The following LIG1 variants were observed in gnomAD, a reference collection of about 807,000 sequenced individuals.
LIG1 encodes the protein DNA ligase 1.
Under a neutral mutation model 115.7 loss-of-function variants are expected in LIG1, and 70 were observed. The observed-to-expected ratio is 0.60, with a 90% CI of 0.50 to 0.74. The LOEUF (loss-of-function observed/expected upper bound fraction) is 0.74, where lower values mean the gene tolerates loss of function less well. Ranked by LOEUF, LIG1 falls within the 30% of genes least tolerant of loss-of-function variation. The pLI, the probability that LIG1 is intolerant of heterozygous loss-of-function variation, is 0.00. For missense variants in LIG1, 1,115 were observed against 1,225.6 expected (o/e 0.91, Z 1.35); for synonymous variants, 487 against 495.3 (o/e 0.98, Z 0.22).
intron 11 of LIG1, among the ~76,000 whole-genome samples, chr19:48,140,903 G>C (rs1367051261): frequency 2.0e-5 from 3 of 152,172 alleles, no homozygotes; most frequent in African/African-American, 4.8e-5. Flanking sequence ...GAGTAAAAAT[G>C]AAACTCCGGT....
At chr19:48,143,519 A>G (rs747872934) in intron 11 of LIG1, 24 bp downstream of exon 11, 2 of 564,814 alleles carry the variant, frequency 3.5e-6, no homozygotes, top group Non-Finnish European at 6.6e-6. Flanking sequence ...CCCGCCCCCC[A>G]CCCAGGCAGT....
At chr19:48,149,726 T>A in intron 9 of LIG1, 37 bp downstream of exon 9, 1 of 1,556,578 alleles carries the variant, frequency 6.4e-7, no homozygotes, top group Non-Finnish European at 8.9e-7. Context: ...AGGGAACACA[T>A]CCCGAAGAAC....
chr19:48,139,433 CT>C (rs1382968938), intron 12 of LIG1, among the ~76,000 whole-genome samples: 3 of 152,306 alleles, frequency 2.0e-5, no homozygotes, highest in South Asian at 2.1e-4. Flanking sequence ...CCTCTTCCCC[CT>C]GGATGCTGCC....
intron 1 of LIG1, among the ~76,000 whole-genome samples, chr19:48,167,157 A>ATATAAAAAAT (rs2036529330): frequency 6.6e-6 from 1 of 150,682 alleles, no homozygotes; most frequent in Non-Finnish European, 1.5e-5. Flanking sequence ...AATATTAAAG[A>ATATAAAAAAT]TATAAAAAAT....
chr19:48,119,096 G>T (rs3745736), intron 25 of LIG1, 41 bp downstream of exon 25: 1 of 1,503,540 alleles, frequency 6.7e-7, no homozygotes, highest in Non-Finnish European at 9.1e-7. Flanking sequence ...AGGGGCAGGG[G>T]GGAGAGGGGT....
At chr19:48,169,439 A>G (rs2036651183) in intron 1 of LIG1, among the ~76,000 whole-genome samples, 1 of 152,224 alleles carries the variant, frequency 6.6e-6, no homozygotes, top group South Asian at 2.1e-4. Flanking sequence ...GAAGATGGAT[A>G]TACTCTTTTC....
At chr19:48,153,773 C>CACACACACACACGT in intron 6 of LIG1, 99 bp downstream of exon 6, 1 of 339,304 alleles carries the variant, frequency 2.9e-6, no homozygotes, top group South Asian at 2.2e-5. Flanking sequence ...CACACACACA[C>CACACACACACACGT]CTCTCCTTCT....
At position 48,149,788 on chromosome 19, in the gene LIG1, G is replaced by A. The variant is rs1311116009; in HGVS notation, c.751C>T (p.Pro251Ser). The A allele has an allele frequency of 1.9e-6, 3 of 1,614,074 alleles. No individual in the cohort carries two copies. Among genetic ancestry groups the A allele is most frequent in the Non-Finnish European group, 2.5e-6 (3 of 1,179,996 alleles). ...KEVKEEEPGA[P>S]GKEGAAEGPL... ...CCCTCAGCAGCTCCCTCCTTTCCTG[G>A]AGCCCCTGGCTCCTCTTCCTTCACT... The change falls in exon 9 of 28, where the codon CCA (proline) becomes TCA (serine). Residue 251 changes from proline to serine, a missense_variant. Transcript: ENST00000263274.
rs145295768 is a variant in LIG1, at chr19:48,122,564, G to A, written c.2232+370C>T. ...ACTCCCAGCCCCGCCTTGCTGGCCC[G>A]GAGCTGACTTGCTTTTCTTCATGGC... On this transcript the variant is annotated intron_variant, in intron 23 of 27. Transcript: ENST00000263274. The surrounding 1 kb of genome is among the most constrained non-coding windows in gnomAD (Gnocchi z 4.3). Among the ~76,000 whole-genome samples, 10 of 152,330 alleles carry A rather than the reference G, an allele frequency of 6.6e-5. No individual in the cohort carries two copies. In the East Asian group the frequency reaches 1.4e-3, roughly 21 times the overall value.
intron 14 of LIG1, 50 bp downstream of exon 14, chr19:48,136,958 C>T: frequency 6.9e-7 from 1 of 1,446,732 alleles, no homozygotes; most frequent in Non-Finnish European, 9.6e-7. Flanking sequence ...CCTCCTTTCA[C>T]CTCCGAGCCT....
chr19:48,137,133 A>G lies in LIG1; in HGVS notation c.1255-49T>C. The G allele has an allele frequency of 2.1e-6, 3 of 1,434,794 alleles. No homozygotes were observed. The highest frequency in any genetic ancestry group is 2.9e-6 in the Non-Finnish European group (3 of 1,025,670). 88.9% of individuals were successfully genotyped at this position (1,434,794 alleles called of 1,614,324 possible). A position where few individuals can be genotyped will look rare whatever the true frequency, so the allele number is the denominator to read the frequency against. On this transcript the variant is annotated intron_variant, in intron 13 of 27. Coordinates refer to ENST00000263274, the MANE Select transcript of LIG1 (RefSeq NM_000234.3). The surrounding 1 kb of genome is among the most constrained non-coding windows in gnomAD (Gnocchi z 4.3). ...TCAGTGCCTGGTGAAGGCAGGGACC[A>G]CACCTCCACCCCACCAGCCGTGCTG... is the stretch of plus-strand genomic sequence containing the variant.
In LIG1 at chr19:48,149,776, C is replaced by T; in HGVS notation, c.763G>A (p.Gly255Arg). 6.2e-7 allele frequency: 1 copy of T among 1,613,986 alleles called. No homozygotes were observed. Residue 255 changes from glycine to arginine, a missense_variant, in exon 9 of 28, where the codon GGA (glycine) becomes AGA (arginine). Physicochemically the swap from Gly to Arg is moderately radical, Grantham distance 125. Transcript: ENST00000263274. ...ACACTGACTCACCCCTCAGCAGCTC[C>T]CTCCTTTCCTGGAGCCCCTGGCTCC... ...EEEPGAPGKE[G>R]AAEGPLDPSG...
Position 48,165,768 on chromosome 19 carries a change from C to G in LIG1, c.-57-145G>C, listed in dbSNP as rs755086850. ...AAAAAGAAACTCCTGTTTTTATGAACCAAAATAATTTGCTGGTGAGATTTA... is the reference window on the plus strand; with the variant it reads ...AAAAAGAAACTCCTGTTTTTATGAAGCAAAATAATTTGCTGGTGAGATTTA... On this transcript the variant is annotated intron_variant, in intron 1 of 27. Transcript: ENST00000263274. The G allele has an allele frequency of 5.8e-6, 4 of 690,686 alleles. No individual in the cohort carries two copies. The East Asian group carries it at 8.1e-5, about 14-fold the overall frequency. The allele number at this position is 690,686 out of a possible 1,614,324, so 42.8% of individuals were successfully genotyped here.
intron 6 of LIG1, among the ~76,000 whole-genome samples, chr19:48,151,777 C>A (rs2035492273): frequency 6.6e-6 from 1 of 150,926 alleles, no homozygotes; most frequent in Admixed American, 6.6e-5. Flanking sequence ...CCTTGTCAAC[C>A]CCAAGCAAGG....
chr19:48,145,159 A>G lies in LIG1; in HGVS notation c.777-1196T>C, dbSNP rs573547068. On this transcript the variant is annotated intron_variant, in intron 9 of 27. Transcript: ENST00000263274. ...AGCGATCCTCCCACCTCGACCTCCCAAAGTCCTGGGATTATAGGCATGAGC... is the reference window on the plus strand; with the variant it reads ...AGCGATCCTCCCACCTCGACCTCCCGAAGTCCTGGGATTATAGGCATGAGC... Among the ~76,000 whole-genome samples the G allele has an allele frequency of 5.4e-4, 82 of 152,160 alleles. 1 individual carries two copies. Among genetic ancestry groups the G allele is most frequent in the African/African-American group, 1.9e-3 (80 of 41,514 alleles).
At chr19:48,164,283 G>T (rs2036354723) in intron 2 of LIG1, among the ~76,000 whole-genome samples, 1 of 152,194 alleles carries the variant, frequency 6.6e-6, no homozygotes, top group African/African-American at 2.4e-5. Context: ...ACAATCCCCA[G>T]ATTCCTCATC....
chr19:48,118,985 T>C lies in LIG1; in HGVS notation c.2439+152A>G, dbSNP rs1355679582. 6 of 656,118 alleles carry C rather than the reference T, an allele frequency of 9.1e-6. No homozygotes were observed. In the East Asian group the frequency reaches 1.7e-4, roughly 18 times the overall value. 40.6% of individuals were successfully genotyped at this position (656,118 alleles called of 1,614,324 possible). ...TGCTGAGACATGAACCTGGAGATGC[T>C]GGACTCCAAAGCCAGCTCCACTGCC... is the stretch of plus-strand genomic sequence containing the variant. On this transcript the variant is annotated intron_variant, in intron 25 of 27. Transcript: ENST00000263274.
At chr19:48,139,301 G>GGGA (rs1568510303) in intron 12 of LIG1, among the ~76,000 whole-genome samples, 12 of 152,336 alleles carry the variant, frequency 7.9e-5, no homozygotes, top group Middle Eastern at 3.4e-3. Flanking sequence ...CGACGGCTTT[G>GGGA]TCATCCATCC....
Position 48,133,966 on chromosome 19 carries a change from C to A in LIG1, c.1609+15G>T. ...GGGCTGCTGCCAGGCTGGTGAGCGC[C>A]CCTGGGGCCTGTACCTGGGCTCAGC... is the stretch of plus-strand genomic sequence containing the variant. On this transcript the variant is annotated intron_variant, in intron 17 of 27. Transcript: ENST00000263274. The A allele has an allele frequency of 6.4e-7, 1 of 1,551,060 alleles. No individual in the cohort carries two copies. Among genetic ancestry groups the A allele is most frequent in the Non-Finnish European group, 8.7e-7 (1 of 1,146,188 alleles).
Sources: allele counts gnomAD v4.1 joint callset (sites outside exome capture counted in the v4.1 genomes callset), GRCh38; gene constraint gnomAD v4.1.1; non-coding constraint Gnocchi (gnomAD v3.1); transcripts MANE v1.5; gene names NCBI Gene and HGNC (gene_info 2026-07-23, HGNC 2026-07-21).